Variants in DENND2C observed in about 807,000 individuals in gnomAD.
DENND2C encodes DENN domain containing 2C, also known as DENN domain-containing protein 2C.
Under a neutral mutation model 112.4 loss-of-function variants are expected in DENND2C, and 72 were observed. The ratio of observed to expected loss-of-function variants is 0.64; its 90% CI spans 0.53 to 0.78. The LOEUF (loss-of-function observed/expected upper bound fraction) is 0.78, where lower values mean the gene tolerates loss of function less well. Among genes scored for constraint, DENND2C ranks in the 30% least tolerant of loss-of-function variants. The pLI is 0.00. For synonymous variants in DENND2C, 329 were observed against 381.6 expected, an observed-to-expected ratio of 0.86 and a Z score of 1.61; for missense variants, 992 against 1,113.8, an observed-to-expected ratio of 0.89 and a Z score of 1.56.
At chr1:114,668,533 A>ACACACACT (rs1208174485) in intron 1 of DENND2C, among the ~76,000 whole-genome samples, 2 of 151,520 alleles carry the variant, frequency 1.3e-5, no homozygotes, top group African/African-American at 4.9e-5. Flanking sequence ...ACACACACAC[A>ACACACACT]CACACACACA....
intron 1 of DENND2C, among the ~76,000 whole-genome samples, chr1:114,666,009 G>A (rs1161231852): frequency 6.6e-6 from 1 of 152,068 alleles, no homozygotes; most frequent in Non-Finnish European, 1.5e-5. Flanking sequence ...AACTCAACAT[G>A]AATTCAAAAT....
chr1:114,600,983 T>A (rs751533002), intron 13 of DENND2C, 23 bp from the exon 14 acceptor site: 2 of 1,601,006 alleles, frequency 1.2e-6, no homozygotes, highest in Non-Finnish European at 1.7e-6. Context: ...AGTGTTATTT[T>A]ATTATGGACT....
At position 114,590,484 on chromosome 1, in the gene DENND2C, A is replaced by G. The variant is rs551482134; in HGVS notation, c.2432-2532T>C. Among the ~76,000 whole-genome samples, 5 of 152,224 alleles carry G rather than the reference A, an allele frequency of 3.3e-5. No homozygotes were observed. The East Asian group carries it at 9.7e-4, about 30-fold the overall frequency. ...CTATCACATATAATGGCACTATAAA[A>G]ATTATTGAACTTGGCCGGGCGCGGT... On this transcript the variant is annotated intron_variant, in intron 18 of 20. Transcript: ENST00000393274.
chr1:114,631,119 T>C (rs911767584), intron 3 of DENND2C, among the ~76,000 whole-genome samples: 4 of 152,250 alleles, frequency 2.6e-5, no homozygotes, highest in Admixed American at 2.6e-4. Context: ...CTGATGCCTG[T>C]AATCCCAGCA....
In DENND2C at chr1:114,618,463, T is replaced by C. The variant is rs767162367; in HGVS notation, c.1247A>G (p.Asp416Gly). 6.3e-7 allele frequency: 1 copy of C among 1,581,760 alleles called. No homozygotes were observed. ...NLPRLVLKID[D>G]IFESKRGKKK... ...CTTCCCTCTTTTAGATTCAAATATG[T>C]CATCTATTTTCAATACAAGCTGAAA... Residue 416 changes from aspartate (D) to glycine (G), a missense_variant, in exon 8 of 21, where the codon GAC becomes GGC. This residue lies in a region of DENND2C where 516 missense variants were observed against 623.6 expected (regional missense o/e 0.83). Transcript: ENST00000393274.
intron 2 of DENND2C, among the ~76,000 whole-genome samples, chr1:114,651,306 C>CACACACACACACACACA: frequency 6.7e-6 from 1 of 150,012 alleles, no homozygotes; most frequent in Admixed American, 6.7e-5. Context: ...CACACACACA[C>CACACACACACACACACA]GCCAAGTATG....
intron 1 of DENND2C, among the ~76,000 whole-genome samples, chr1:114,660,021 G>A (rs1183247048): frequency 6.6e-6 from 1 of 152,048 alleles, no homozygotes; most frequent in Non-Finnish European, 1.5e-5. Context: ...AAACTCATGG[G>A]CTCAAGTGAT....
intron 8 of DENND2C, among the ~76,000 whole-genome samples, chr1:114,617,347 G>C (rs555746181): frequency 6.6e-6 from 1 of 152,262 alleles, no homozygotes; most frequent in South Asian, 2.1e-4. Flanking sequence ...GTCTCACTCT[G>C]TCACCCAGGC....
intron 3 of DENND2C, among the ~76,000 whole-genome samples, chr1:114,644,066 C>T (rs1404362357): frequency 6.6e-6 from 1 of 152,128 alleles, no homozygotes; most frequent in Non-Finnish European, 1.5e-5. Flanking sequence ...CATAACTAAT[C>T]CAATGGTAAT....
At chr1:114,634,814 A>G (rs1570793381) in intron 3 of DENND2C, among the ~76,000 whole-genome samples, 2 of 152,008 alleles carry the variant, frequency 1.3e-5, no homozygotes, top group South Asian at 4.1e-4. Context: ...GATCATCTGA[A>G]GTTAGGAGTT....
At chr1:114,652,008 C>A (rs934921099) in intron 2 of DENND2C, among the ~76,000 whole-genome samples, 3 of 152,008 alleles carry the variant, frequency 2.0e-5, no homozygotes, top group Non-Finnish European at 4.4e-5. Flanking sequence ...TGGCCTGGTG[C>A]GGGGTTGTAA....
chr1:114,614,012 C>T (rs1001510112), intron 8 of DENND2C, among the ~76,000 whole-genome samples: 1 of 151,998 alleles, frequency 6.6e-6, no homozygotes, highest in African/African-American at 2.4e-5. Context: ...GCAGAAGGAT[C>T]GCTTGAGCCC....
At position 114,584,273 on chromosome 1, in the gene DENND2C, CCTTTT is replaced by C. The variant is rs984303758; in HGVS notation, c.*1322_*1326del. The stretch of plus-strand genomic sequence containing the variant: ...AATTTGTTTTTTTCTTTTTTCTTTT[CCTTTT>C]TTCTTTTTTTTGAGATGGAGTCTCG... On this transcript the variant is annotated 3_prime_UTR_variant, in exon 21 of 21. Coordinates refer to ENST00000393274, the MANE Select transcript of DENND2C (RefSeq NM_001256404.2). 4 of 151,726 alleles carry C rather than the reference CCTTTT, an allele frequency of 2.6e-5. No homozygotes were observed. Among genetic ancestry groups the C allele is most frequent in the Admixed American group, 2.6e-4 (4 of 15,198 alleles). The allele number at this position is 151,726 out of a possible 1,614,324, so 9.4% of individuals were successfully genotyped here. A position where few individuals can be genotyped will look rare whatever the true frequency, so the allele number is the denominator to read the frequency against.
intron 11 of DENND2C, 21 bp downstream of exon 11, chr1:114,604,901 C>G (rs1233251098): frequency 6.6e-7 from 1 of 1,522,312 alleles, no homozygotes; most frequent in African/African-American, 1.4e-5. Context: ...GAATAGAAAT[C>G]AGATAAATTA....
intron 3 of DENND2C, among the ~76,000 whole-genome samples, chr1:114,642,227 A>G (rs1250445595): frequency 6.6e-6 from 1 of 152,234 alleles, no homozygotes; most frequent in East Asian, 1.9e-4. Context: ...CTAGGATTAC[A>G]GGTGTGAGCC....
At chr1:114,652,274 C>T (rs990661755) in intron 2 of DENND2C, among the ~76,000 whole-genome samples, 1 of 152,192 alleles carries the variant, frequency 6.6e-6, no homozygotes, top group Non-Finnish European at 1.5e-5. Flanking sequence ...ATTTTCAATA[C>T]ACTTTTTAAA....
intron 18 of DENND2C, among the ~76,000 whole-genome samples, chr1:114,589,544 AT>A (rs952118600): frequency 3.4e-5 from 5 of 149,030 alleles, no homozygotes; most frequent in Admixed American, 1.3e-4. Context: ...TTTTTAATTA[AT>A]TTTTTTTTGT....
intron 18 of DENND2C, 33 bp downstream of exon 18, chr1:114,594,440 T>C: frequency 6.4e-7 from 1 of 1,556,960 alleles, no homozygotes; most frequent in South Asian, 1.1e-5. Flanking sequence ...CCTTAACCCT[T>C]AACCTTAAGT....
chr1:114,625,758 C>T lies in DENND2C; in HGVS notation c.227G>A (p.Arg76His), dbSNP rs549371423. The change falls in exon 4 of 21, where the codon CGT becomes CAT. Residue 76 changes from arginine (R) to histidine (H), a missense_variant. Physicochemically the swap from Arg to His is conservative, Grantham distance 29. Coordinates refer to ENST00000393274, the MANE Select transcript of DENND2C (RefSeq NM_001256404.2). The part of the protein sequence containing the change: ...RKSKNLDVTS[R>H]ENVGLDINEN... ...ATTTATATCTAGACCCACATTTTCA[C>T]GGCTGGTTACATCCAAGTTTTTGCT... The T allele has an allele frequency of 9.4e-5, 152 of 1,614,116 alleles. No individual in the cohort carries two copies. Among genetic ancestry groups the T allele is most frequent in the South Asian group, 8.3e-4 (76 of 91,074 alleles).
Sources: allele counts gnomAD v4.1 joint callset (sites outside exome capture counted in the v4.1 genomes callset), GRCh38; gene constraint gnomAD v4.1.1; regional missense constraint gnomAD v4.1.1; transcripts MANE v1.5; gene names NCBI Gene and HGNC (gene_info 2026-07-23, HGNC 2026-07-21).